Variants in RFX7 observed in about 807,000 individuals in gnomAD.
RFX7 encodes the protein DNA-binding protein RFX7.
RFX7 carries 26 observed loss-of-function variants against 111.8 expected under a neutral mutation model. The observed-to-expected ratio is 0.23, with a 90% CI of 0.17 to 0.32. RFX7 has a LOEUF of 0.32. RFX7 is among the 10% of genes least tolerant of loss of function. The pLI is 1.00. For synonymous variants in RFX7, 624 were observed against 624.4 expected (o/e 1.00, Z 0.01); for missense variants, 1,573 against 1,772.9 (o/e 0.89, Z 2.02).
At chr15:56,183,269 A>G (rs1199145927) in intron 2 of RFX7, among the ~76,000 whole-genome samples, 10 of 152,188 alleles carry the variant, frequency 6.6e-5, no homozygotes, top group East Asian at 3.9e-4. Context: ...AACTTTGTTA[A>G]TAACTTTTAT....
At chr15:56,224,307 A>T (rs2141219782) in intron 2 of RFX7, among the ~76,000 whole-genome samples, 1 of 152,286 alleles carries the variant, frequency 6.6e-6, no homozygotes, top group Non-Finnish European at 1.5e-5. Flanking sequence ...TTTTAAAGTA[A>T]GTATTTTTAA....
At chr15:56,113,337 A>G (rs910366398) in intron 5 of RFX7, among the ~76,000 whole-genome samples, 2 of 152,244 alleles carry the variant, frequency 1.3e-5, no homozygotes, top group Admixed American at 6.5e-5. Flanking sequence ...GAATGAGATC[A>G]TGTCCTTTGC....
At chr15:56,243,040 G>GCGGC in intron 2 of RFX7, 85 bp downstream of exon 2, 4 of 570,716 alleles carry the variant, frequency 7.0e-6, no homozygotes, top group Non-Finnish European at 1.2e-5. Context: ...CTCCTCCTCC[G>GCGGC]CTCCCCCCGC....
intron 2 of RFX7, among the ~76,000 whole-genome samples, chr15:56,221,185 A>G (rs1033407809): frequency 1.4e-4 from 21 of 152,184 alleles, no homozygotes; most frequent in African/African-American, 4.3e-4. Context: ...AGGTCCACAT[A>G]AATTTTAAGT....
At chr15:56,158,841 CA>C (rs1385546026) in intron 3 of RFX7, among the ~76,000 whole-genome samples, 3 of 151,906 alleles carry the variant, frequency 2.0e-5, no homozygotes, top group Non-Finnish European at 4.4e-5. Flanking sequence ...AACCCACCCC[CA>C]AAACCCAAAA....
In RFX7 at chr15:56,093,559, A is replaced by C. The variant is rs758108011; in HGVS notation, c.4169T>G (p.Leu1390Arg). ...FSSDIRLSSELSGSINDLNTL... is the reference protein window; with the variant it reads ...FSSDIRLSSERSGSINDLNTL... ...GTTCAAATCATTGATGCTGCCTGAGAGCTCAGAAGACAACCTGATATCGCT... is the reference window on the plus strand; with the variant it reads ...GTTCAAATCATTGATGCTGCCTGAGCGCTCAGAAGACAACCTGATATCGCT... The change falls in exon 10 of 10, where the codon CTC (leucine) becomes CGC (arginine). Residue 1390 changes from leucine (L) to arginine (R), a missense_variant. Around this residue, in one of 7 missense-constraint regions of RFX7, gnomAD observed 411 missense variants for 478.1 expected, o/e 0.86. Coordinates refer to ENST00000559447, the MANE Select transcript of RFX7 (RefSeq NM_022841.7). The C allele has an allele frequency of 4.4e-5, 71 of 1,613,792 alleles. No homozygotes were observed. Among genetic ancestry groups the C allele is most frequent in the Non-Finnish European group, 6.0e-5 (71 of 1,179,740 alleles).
rs1595924456 is a variant in RFX7 at position 56,102,235 on chromosome 15, T to C, written c.537A>G (p.Leu179=). The change falls in exon 7 of 10, where the codon CTA becomes CTG. Residue 179 remains leucine, a synonymous_variant. Transcript: ENST00000559447. The part of the protein sequence containing the change: ...RGKSKYCYSG[L]RKKAFVHMPT... ...GCATATGAACAAAAGCTTTTTTTCT[T>C]AGTCCACTGTAGCAATATGTAATAA... 6.2e-7 allele frequency: 1 copy of C among 1,610,400 alleles called. No homozygotes were observed. Among genetic ancestry groups the C allele is most frequent in the Non-Finnish European group, 8.5e-7 (1 of 1,177,140 alleles).
intron 5 of RFX7, among the ~76,000 whole-genome samples, chr15:56,126,376 G>A (rs148082138): frequency 5.3e-4 from 81 of 152,262 alleles, no homozygotes; most frequent in African/African-American, 1.8e-3. Context: ...TATTCCCAGT[G>A]CAGTCTTGTG....
chr15:56,113,536 T>C (rs1595935449), intron 5 of RFX7, among the ~76,000 whole-genome samples: 3 of 152,102 alleles, frequency 2.0e-5, no homozygotes, highest in Middle Eastern at 3.4e-3. Flanking sequence ...TTAGGACAAA[T>C]AGCTAATGCA....
Position 56,144,440 on chromosome 15 carries a change from T to C in RFX7, c.239A>G (p.Tyr80Cys). Residue 80 changes from tyrosine (Y) to cysteine (C), a missense_variant, in exon 4 of 10, where the codon TAC (tyrosine) becomes TGC (cysteine). This residue lies in a region of RFX7 where 191 missense variants were observed against 194.2 expected (regional missense o/e 0.98). Transcript: ENST00000559447. ...KFTDLEKLYLYLQLPSGLSNG... is the reference protein window; with the variant it reads ...KFTDLEKLYLCLQLPSGLSNG... ...GCTGAGACCAGAAGGCAGCTGAAGG[T>C]AGAGGTAGAGTTTCTCTAGGTCTGT... 1 of 1,366,070 alleles carries C rather than the reference T, an allele frequency of 7.3e-7. No individual in the cohort carries two copies. The highest frequency in any genetic ancestry group is 9.8e-7 in the Non-Finnish European group (1 of 1,020,522). The allele number at this position is 1,366,070 out of a possible 1,614,324, so 84.6% of individuals were successfully genotyped here.
chr15:56,147,584 T>TC (rs2042497214), intron 3 of RFX7, among the ~76,000 whole-genome samples: 1 of 152,172 alleles, frequency 6.6e-6, no homozygotes, highest in African/African-American at 2.4e-5. Context: ...TCTAATTTTT[T>TC]TTTTTTTGAG....
rs1344106007 is a variant in RFX7, at chr15:56,094,806, A to C, written c.2922T>G (p.Ser974Arg). 1 of 1,591,160 alleles carries C rather than the reference A, an allele frequency of 6.3e-7. No homozygotes were observed. The highest frequency in any genetic ancestry group is 8.6e-7 in the Non-Finnish European group (1 of 1,168,036). Residue 974 changes from serine to arginine, a missense_variant, in exon 10 of 10, where the codon AGT (serine) becomes AGG (arginine). Physicochemically the swap from Ser to Arg is moderately radical, Grantham distance 110. This residue lies in a region of RFX7 where 625 missense variants were observed against 632.2 expected (regional missense o/e 0.99). Transcript: ENST00000559447. ...TGGAGCAAGGGCTCTCCCGTGACAG[A>C]CTCTGAGATCCAGCAATCATTTCAG... ...PTSEMIAGSQ[S>R]LSRESPCSRL...
chr15:56,120,333 T>C (rs1202514826), intron 5 of RFX7, among the ~76,000 whole-genome samples: 1 of 152,260 alleles, frequency 6.6e-6, no homozygotes, highest in Non-Finnish European at 1.5e-5. Flanking sequence ...CTACTGATTT[T>C]TGTATGTTGA....
chr15:56,127,871 G>A (rs1258421754), intron 5 of RFX7, among the ~76,000 whole-genome samples: 1 of 149,834 alleles, frequency 6.7e-6, no homozygotes, highest in African/African-American at 2.5e-5. Flanking sequence ...ACTAACAAAT[G>A]TTCAGCTAAG....
intron 5 of RFX7, among the ~76,000 whole-genome samples, chr15:56,109,000 T>C (rs1383573539): frequency 3.3e-5 from 5 of 151,770 alleles, no homozygotes; most frequent in African/African-American, 1.2e-4. Context: ...GTGAAGGACC[T>C]CTTCAAGAAC....
At chr15:56,117,432 A>T (rs1165356340) in intron 5 of RFX7, among the ~76,000 whole-genome samples, 1 of 152,192 alleles carries the variant, frequency 6.6e-6, no homozygotes, top group East Asian at 1.9e-4. Flanking sequence ...AGACTTATGT[A>T]CAGTGAACAG....
At chr15:56,130,422 A>T in intron 5 of RFX7, among the ~76,000 whole-genome samples, 1 of 148,110 alleles carries the variant, frequency 6.8e-6, no homozygotes, top group Admixed American at 6.7e-5. Flanking sequence ...CACCTGAAAA[A>T]TTTAAAAAGA....
At chr15:56,232,478 C>A (rs979011598) in intron 2 of RFX7, among the ~76,000 whole-genome samples, 3 of 152,156 alleles carry the variant, frequency 2.0e-5, no homozygotes, top group African/African-American at 4.8e-5. Flanking sequence ...GCTATGAAGA[C>A]CTCTCACATG....
Position 56,236,120 on chromosome 15 carries a change from C to T in RFX7, c.161+7005G>A, listed in dbSNP as rs148095754. Among the ~76,000 whole-genome samples, 781 of 152,114 alleles carry T rather than the reference C, an allele frequency of 5.1e-3. 2 individuals carry two copies. Among genetic ancestry groups the T allele is most frequent in the Admixed American group, 8.3e-3 (127 of 15,276 alleles). On this transcript the variant is annotated intron_variant, in intron 2 of 9. Transcript: ENST00000559447. ...CTTTTTGTTATATATATATGAGCTACGGTAATAGATGCCTGATAGAGAGGT... is the reference window on the plus strand; with the variant it reads ...CTTTTTGTTATATATATATGAGCTATGGTAATAGATGCCTGATAGAGAGGT...
Sources: allele counts gnomAD v4.1 joint callset (sites outside exome capture counted in the v4.1 genomes callset), GRCh38; gene constraint gnomAD v4.1.1; regional missense constraint gnomAD v4.1.1; transcripts MANE v1.5; gene names NCBI Gene and HGNC (gene_info 2026-07-23, HGNC 2026-07-21).